The following DPP10 variants were observed in gnomAD, a reference collection of about 807,000 sequenced individuals.
DPP10 encodes inactive dipeptidyl peptidase 10.
In DPP10, 33 loss-of-function variants were observed where a neutral mutation model predicts 120.9. The ratio of observed to expected loss-of-function variants is 0.27; its 90% CI spans 0.21 to 0.37. The LOEUF (loss-of-function observed/expected upper bound fraction) is 0.37. DPP10 is among the 10% of genes least tolerant of loss of function. The pLI is 1.00. For missense variants in DPP10, 816 were observed against 942.8 expected, an observed-to-expected ratio of 0.87 and a Z score of 1.76; for synonymous variants, 337 against 326.1, an observed-to-expected ratio of 1.03 and a Z score of -0.36.
intron 1 of DPP10, among the ~76,000 whole-genome samples, chr2:114,925,697 A>G (rs1375954807): frequency 6.6e-6 from 1 of 152,172 alleles, no homozygotes; most frequent in Non-Finnish European, 1.5e-5. Flanking sequence ...AGGGAATGAA[A>G]ACCCAGAGAC....
intron 4 of DPP10, among the ~76,000 whole-genome samples, chr2:115,511,777 G>C (rs1387036319): frequency 7.2e-6 from 1 of 138,684 alleles, no homozygotes; most frequent in African/African-American, 2.7e-5. Flanking sequence ...ACCTAGTCTG[G>C]AGTGTAGTGG....
intron 1 of DPP10, among the ~76,000 whole-genome samples, chr2:115,037,604 T>C (rs190022783): frequency 1.2e-4 from 18 of 152,280 alleles, no homozygotes; most frequent in African/African-American, 4.1e-4. Flanking sequence ...GGGAATTTGT[T>C]AATAATGCAG....
chr2:115,607,977 AG>A (rs1485330887), intron 5 of DPP10, among the ~76,000 whole-genome samples: 1 of 152,196 alleles, frequency 6.6e-6, no homozygotes, highest in African/African-American at 2.4e-5. Context: ...AAAATGGAGT[AG>A]ACTAGACTTC....
chr2:115,452,872 T>C (rs1574890522), intron 3 of DPP10, among the ~76,000 whole-genome samples: 1 of 151,934 alleles, frequency 6.6e-6, no homozygotes, highest in Admixed American at 6.6e-5. Flanking sequence ...CATATCATTA[T>C]AGTGATGAGC....
intron 1 of DPP10, among the ~76,000 whole-genome samples, chr2:114,537,511 T>TCCTCCC (rs1686607123): frequency 6.6e-6 from 1 of 152,168 alleles, no homozygotes; most frequent in African/African-American, 2.4e-5. Flanking sequence ...ACTTTTTTTT[T>TCCTCCC]TGGTCCCTGG....
intron 1 of DPP10, among the ~76,000 whole-genome samples, chr2:114,697,579 T>C (rs1342049495): frequency 6.6e-6 from 1 of 151,696 alleles, no homozygotes; most frequent in Non-Finnish European, 1.5e-5. Flanking sequence ...TGAAACCCCG[T>C]CTCTACCAAA....
intron 3 of DPP10, among the ~76,000 whole-genome samples, chr2:115,432,471 G>A (rs1482660890): frequency 6.6e-6 from 1 of 151,764 alleles, no homozygotes; most frequent in African/African-American, 2.4e-5. Flanking sequence ...CTAATAAGGT[G>A]GGTTTTAGTT....
chr2:115,735,949 T>C (rs1676440092), intron 8 of DPP10, among the ~76,000 whole-genome samples: 1 of 152,140 alleles, frequency 6.6e-6, no homozygotes, highest in Non-Finnish European at 1.5e-5. Context: ...TGCCCTCCTT[T>C]GCACAGCAAA....
intron 1 of DPP10, among the ~76,000 whole-genome samples, chr2:115,022,522 A>G (rs1389478376): frequency 6.6e-6 from 1 of 152,156 alleles, no homozygotes; most frequent in Non-Finnish European, 1.5e-5. Context: ...AAATTGAAAC[A>G]CATCCCATGC....
intron 1 of DPP10, among the ~76,000 whole-genome samples, chr2:114,497,101 ACATGTACG>A (rs2104476201): frequency 6.7e-6 from 1 of 149,204 alleles, no homozygotes; most frequent in Admixed American, 6.7e-5. Flanking sequence ...GTACATGTGT[ACATGTACG>A]TATACATGCA....
intron 1 of DPP10, among the ~76,000 whole-genome samples, chr2:115,093,446 TAAG>T (rs1709449359): frequency 6.6e-6 from 1 of 152,098 alleles, no homozygotes; most frequent in Non-Finnish European, 1.5e-5. Context: ...AACTAAAATT[TAAG>T]AAGAAATTTT....
intron 1 of DPP10, among the ~76,000 whole-genome samples, chr2:114,451,161 A>C (rs184704531): frequency 6.6e-6 from 1 of 152,172 alleles, no homozygotes; most frequent in East Asian, 1.9e-4. Flanking sequence ...TTTTTGATCA[A>C]GGATGGACAG....
At chr2:114,838,051 T>A (rs1353773430) in intron 1 of DPP10, among the ~76,000 whole-genome samples, 1 of 152,240 alleles carries the variant, frequency 6.6e-6, no homozygotes, top group Non-Finnish European at 1.5e-5. Flanking sequence ...ATCTTGTGGC[T>A]GTGCCATCTG....
At chr2:114,570,369 C>T (rs1389414681) in intron 1 of DPP10, among the ~76,000 whole-genome samples, 2 of 152,116 alleles carry the variant, frequency 1.3e-5, no homozygotes, top group Non-Finnish European at 1.5e-5. Flanking sequence ...ACTTCAATAT[C>T]ACCGTGGGGC....
intron 1 of DPP10, among the ~76,000 whole-genome samples, chr2:115,103,889 T>A (rs2048820784): frequency 6.6e-6 from 1 of 152,120 alleles, no homozygotes. Flanking sequence ...ACCAGAAGTG[T>A]TTTGGATTTC....
intron 1 of DPP10, among the ~76,000 whole-genome samples, chr2:114,963,443 G>A (rs149277712): frequency 2.2e-4 from 34 of 152,244 alleles, no homozygotes; most frequent in African/African-American, 8.2e-4. Context: ...AAATAACATC[G>A]ATTCGGTAGT....
chr2:115,648,706 A>G (rs749017176), intron 5 of DPP10, among the ~76,000 whole-genome samples: 27 of 152,162 alleles, frequency 1.8e-4, no homozygotes, highest in Non-Finnish European at 2.9e-4. Flanking sequence ...GGTAATTTAC[A>G]TAGATTATCC....
rs1574316898 is a variant in DPP10 at position 114,839,980 on chromosome 2, A to G, written c.60+397142A>G. 2.6e-5 allele frequency among the ~76,000 whole-genome samples: 4 copies of G among 152,152 alleles called. No individual in the cohort carries two copies. In the South Asian group the frequency reaches 6.2e-4, roughly 24 times the overall value. On this transcript the variant is annotated intron_variant, in intron 1 of 25. Transcript: ENST00000410059. The stretch of plus-strand genomic sequence containing the variant: ...AAAAGCAAGAGTAAACTAATGGTCT[A>G]TATAGCATTTCAGGAGGTGGGACGG...
chr2:115,220,458 T>A (rs1362914774), intron 1 of DPP10, among the ~76,000 whole-genome samples: 3 of 152,134 alleles, frequency 2.0e-5, no homozygotes, highest in African/African-American at 7.2e-5. Flanking sequence ...ACACCTGTAA[T>A]CCCAGTGGTT....
Sources: allele counts gnomAD v4.1 joint callset (sites outside exome capture counted in the v4.1 genomes callset), GRCh38; gene constraint gnomAD v4.1.1; transcripts MANE v1.5; gene names NCBI Gene and HGNC (gene_info 2026-07-23, HGNC 2026-07-21).